The following SUPT5H variants were observed in gnomAD, a reference collection of about 807,000 sequenced individuals.
SUPT5H encodes SPT5 homolog, DSIF elongation factor subunit.
Under a neutral mutation model 142.5 loss-of-function variants are expected in SUPT5H, and 24 were observed. That is an observed-to-expected ratio of 0.17 (90% CI 0.12 to 0.24). The LOEUF is 0.24. Among genes scored for constraint, SUPT5H ranks in the 10% least tolerant of loss-of-function variants. SUPT5H has a pLI of 1.00. For synonymous variants in SUPT5H, 546 were observed against 553.0 expected (o/e 0.99, Z 0.18); for missense variants, 893 against 1,471.8 (o/e 0.61, Z 6.43).
chr19:39,471,721 G>A lies in SUPT5H; in HGVS notation c.1941G>A (p.Gly647=). Residue 647 remains glycine (G), a synonymous_variant, in exon 20 of 30, where the codon GGG becomes GGA. Coordinates refer to ENST00000432763, the MANE Select transcript of SUPT5H (RefSeq NM_001111020.3). ...AGACCCGCCACCTGGTGCTGGCTGG[G>A]GGCTCAAAGGTGAGGTGGGCATGGC... is the stretch of plus-strand genomic sequence containing the variant. The part of the protein sequence containing the change: ...VCKTRHLVLA[G]GSKPRDVTNF... The A allele has an allele frequency of 6.2e-7, 1 of 1,613,874 alleles. No individual in the cohort carries two copies. The highest frequency in any genetic ancestry group is 1.3e-5 in the African/African-American group (1 of 75,054).
chr19:39,453,001 G>A (rs1218986943), intron 2 of SUPT5H, among the ~76,000 whole-genome samples: 2 of 132,858 alleles, frequency 1.5e-5, no homozygotes, highest in Non-Finnish European at 3.2e-5. Flanking sequence ...AGACAGAGTG[G>A]GACTCTGTCT....
chr19:39,454,078 T>C (rs1285451464), intron 3 of SUPT5H, among the ~76,000 whole-genome samples: 1 of 152,246 alleles, frequency 6.6e-6, no homozygotes, highest in Non-Finnish European at 1.5e-5. Flanking sequence ...AGTCTGAGAA[T>C]CTAATTTTCA....
chr19:39,471,531 G>A (rs772256817), intron 19 of SUPT5H, 28 bp downstream of exon 19: 1 of 1,613,924 alleles, frequency 6.2e-7, no homozygotes, highest in South Asian at 1.1e-5. Context: ...CTTTTGAGCT[G>A]CATCTGAAAG....
intron 10 of SUPT5H, among the ~76,000 whole-genome samples, chr19:39,462,839 C>CTTT (rs71169597): frequency 0.021 from 2,320 of 110,302 alleles, 130 homozygotes; most frequent in African/African-American, 0.057. Context: ...CCTTAATTTT[C>CTTT]TTTTTTTTTT....
At chr19:39,467,851 G>A (rs2079263605) in intron 13 of SUPT5H, 1 of 152,194 alleles carries the variant, frequency 6.6e-6, no homozygotes, top group Non-Finnish European at 1.5e-5. Flanking sequence ...CTGCACCCAA[G>A]GGCCTTGCTA....
chr19:39,475,812 G>GTC, intron 28 of SUPT5H: 21 of 476,908 alleles, frequency 4.4e-5, no homozygotes, highest in South Asian at 1.8e-4. Context: ...AAGACGCTGA[G>GTC]GCCAGTTTGG....
chr19:39,471,422 C>A lies in SUPT5H; in HGVS notation c.1743C>A (p.Asn581Lys). 6.2e-7 allele frequency: 1 copy of A among 1,614,234 alleles called. No individual in the cohort carries two copies. Among genetic ancestry groups the A allele is most frequent in the Non-Finnish European group, 8.5e-7 (1 of 1,180,044 alleles). ...RHQAVTRKKD[N>K]RFAVALDSEQ... Reference sequence around the variant, plus strand: ...AGGCTGTGACCCGGAAGAAGGACAACCGCTTTGCTGTGGCCTTGGACTCAG... The same window carrying A: ...AGGCTGTGACCCGGAAGAAGGACAAACGCTTTGCTGTGGCCTTGGACTCAG... Residue 581 changes from asparagine to lysine, a missense_variant, in exon 19 of 30, where the codon AAC becomes AAA. Physicochemically the swap from Asn to Lys is moderately conservative, Grantham distance 94. This residue lies in a region of SUPT5H where 428 missense variants were observed against 763.5 expected (regional missense o/e 0.56). Coordinates refer to ENST00000432763, the MANE Select transcript of SUPT5H (RefSeq NM_001111020.3).
In SUPT5H at chr19:39,471,517, CCTGCTTTTGAG is replaced by C; in HGVS notation, c.1824+19_1824+29del. Reference sequence around the variant, plus strand: ...GGCCCCCACTCAGTGAGTACAAGTTCCTGCTTTTGAGCTGCATCTGAAAGAATTTGGTTGGT... The same window carrying C: ...GGCCCCCACTCAGTGAGTACAAGTTCCTGCATCTGAAAGAATTTGGTTGGT... On this transcript the variant is annotated intron_variant, in intron 19 of 29. Transcript: ENST00000432763. The C allele has an allele frequency of 1.2e-6, 2 of 1,614,104 alleles. No homozygotes were observed.
intron 9 of SUPT5H, 44 bp downstream of exon 9, chr19:39,459,633 G>A (rs1338998884): frequency 1.2e-6 from 2 of 1,612,292 alleles, no homozygotes; most frequent in South Asian, 1.1e-5. Flanking sequence ...GGGAGAATGA[G>A]GGAGGCTGCT....
rs754319294 is a variant in SUPT5H at position 39,476,192 on chromosome 19, A to C, written c.3120+16A>C. On this transcript the variant is annotated intron_variant, in intron 29 of 29. Transcript: ENST00000432763. Reference sequence around the variant, plus strand: ...GAACAACAAGGTAAGGGCAGGGGGCAAGGAGATAAGATGGGGCCGTTGGGT... The same window carrying C: ...GAACAACAAGGTAAGGGCAGGGGGCCAGGAGATAAGATGGGGCCGTTGGGT... 4.3e-6 allele frequency: 7 copies of C among 1,613,880 alleles called. No individual in the cohort carries two copies. The highest frequency in any genetic ancestry group is 5.9e-6 in the Non-Finnish European group (7 of 1,179,958).
intron 13 of SUPT5H, among the ~76,000 whole-genome samples, chr19:39,467,290 G>A (rs994721790): frequency 2.0e-5 from 3 of 152,170 alleles, no homozygotes; most frequent in Admixed American, 6.5e-5. Context: ...GGCTGAGGCA[G>A]GAGAATCGCT....
At chr19:39,468,569 A>G (rs2079274744) in intron 13 of SUPT5H, 187 bp from the exon 14 acceptor site, 1 of 601,052 alleles carries the variant, frequency 1.7e-6, no homozygotes, top group Non-Finnish European at 3.0e-6. Flanking sequence ...GGAGGAGTGC[A>G]GGGAGGTGGG....
In SUPT5H at chr19:39,459,088, G is replaced by A; in HGVS notation, c.458+15G>A. 6.2e-7 allele frequency: 1 copy of A among 1,613,922 alleles called. No individual in the cohort carries two copies. On this transcript the variant is annotated intron_variant, in intron 7 of 29. Coordinates refer to ENST00000432763, the MANE Select transcript of SUPT5H (RefSeq NM_001111020.3). The stretch of plus-strand genomic sequence containing the variant: ...GTGGGAGAGACGTAAGGGCATGGTG[G>A]GGGCAGGTGGGGGCAGGGAGCAGGT...
rs2078942833 is a variant in SUPT5H at position 39,445,641 on chromosome 19, A to T, written c.-88+4A>T. The T allele has an allele frequency of 3.8e-6, 2 of 522,212 alleles. No homozygotes were observed. Among genetic ancestry groups the T allele is most frequent in the Non-Finnish European group, 6.9e-6 (2 of 287,776 alleles). 32.3% of individuals were successfully genotyped at this position (522,212 alleles called of 1,614,324 possible). A position where few individuals can be genotyped will look rare whatever the true frequency, so the allele number is the denominator to read the frequency against. ...AGGCGGAGGTGGAGCCCGAGAGGTA[A>T]GTGCGTGTGCAGAGGTGGCAGTTCC... On this transcript the variant is annotated splice_donor_region_variant and intron_variant, in intron 1 of 29. Transcript: ENST00000432763.
At position 39,458,829 on chromosome 19, in the gene SUPT5H, G is replaced by A; in HGVS notation, c.331G>A (p.Asp111Asn). ...EKEEIEASNI[D>N]NVVLDEDRSG... ...CCATTATTTTTCAGCCTCCAATATC[G>A]ATAATGTTGTCCTGGATGAAGATCG... is the stretch of plus-strand genomic sequence containing the variant. Residue 111 changes from aspartate to asparagine, a missense_variant, in exon 6 of 30, where the codon GAT (aspartate) becomes AAT (asparagine). Physicochemically the swap from Asp to Asn is conservative, Grantham distance 23. Coordinates refer to ENST00000432763, the MANE Select transcript of SUPT5H (RefSeq NM_001111020.3). The surrounding 1 kb of genome is among the most constrained non-coding windows in gnomAD (Gnocchi z 4.2). 5 of 1,612,430 alleles carry A rather than the reference G, an allele frequency of 3.1e-6. No homozygotes were observed. The highest frequency in any genetic ancestry group is 4.2e-6 in the Non-Finnish European group (5 of 1,178,924).
Position 39,469,453 on chromosome 19 carries a change from T to C in SUPT5H, c.1374+55T>C. On this transcript the variant is annotated intron_variant, in intron 16 of 29. Transcript: ENST00000432763. The surrounding 1 kb of genome is among the most constrained non-coding windows in gnomAD (Gnocchi z 5.1). ...TGGAGTGTTCAGGCACATCTGACTG[T>C]ATGTGGCTGTCGAGGCGGTGGTGTG... The C allele has an allele frequency of 1.2e-6, 2 of 1,608,376 alleles. No homozygotes were observed. The highest frequency in any genetic ancestry group is 1.7e-6 in the Non-Finnish European group (2 of 1,175,752).
rs758519515 is a variant in SUPT5H, at chr19:39,466,819, C to T, written c.1037+74C>T. 4 of 1,481,566 alleles carry T rather than the reference C, an allele frequency of 2.7e-6. No individual in the cohort carries two copies. Among genetic ancestry groups the T allele is most frequent in the East Asian group, 2.3e-5 (1 of 44,280 alleles). 91.8% of individuals were successfully genotyped at this position (1,481,566 alleles called of 1,614,324 possible). On this transcript the variant is annotated intron_variant, in intron 13 of 29. Coordinates refer to ENST00000432763, the MANE Select transcript of SUPT5H (RefSeq NM_001111020.3). This position sits in a 1 kb window ranked among gnomAD's most constrained non-coding sequence, Gnocchi z 4.3. ...TAGAATGTGCCTTTTGCAGGTTCCTCCCCAGGGGTGGCCCCGCCACAGGTT... is the reference window on the plus strand; with the variant it reads ...TAGAATGTGCCTTTTGCAGGTTCCTTCCCAGGGGTGGCCCCGCCACAGGTT...
At chr19:39,445,740 A>G (rs951125695) in intron 1 of SUPT5H, 64 bp from the exon 2 acceptor site, 9 of 849,116 alleles carry the variant, frequency 1.1e-5, no homozygotes, top group Admixed American at 8.6e-5. Context: ...GGGGGTCCTC[A>G]CTCCGCTTCG....
At chr19:39,452,404 G>A (rs1003706699) in intron 2 of SUPT5H, among the ~76,000 whole-genome samples, 6 of 152,132 alleles carry the variant, frequency 3.9e-5, no homozygotes, top group African/African-American at 1.4e-4. Flanking sequence ...ACTGAGCCCT[G>A]GTAATTGATG....
Sources: gnomAD v4.1 joint callset for allele counts (sites outside exome capture counted in the v4.1 genomes callset) on GRCh38, gnomAD v4.1.1 for gene constraint, gnomAD v4.1.1 regional missense constraint, Gnocchi (gnomAD v3.1) non-coding constraint, MANE v1.5 for transcripts, NCBI Gene and HGNC (gene_info 2026-07-23, HGNC 2026-07-21) for gene names.